Variants in ERI1 observed in about 807,000 individuals in gnomAD.
ERI1 encodes exoribonuclease 1.
A neutral mutation model predicts 39.7 loss-of-function variants in ERI1; 39 were observed. That is an observed-to-expected ratio of 0.98 (90% CI 0.76 to 1.28). ERI1 has a LOEUF of 1.28. Among genes scored for constraint, ERI1 ranks in the 50% most tolerant of loss-of-function variants. The probability of loss-of-function intolerance (pLI) is 0.00; values close to 1 mark genes in which losing one functional copy is unlikely to be tolerated. For missense variants in ERI1, 581 were observed against 416.9 expected, an observed-to-expected ratio of 1.39 and a Z score of -3.43; for synonymous variants, 204 against 149.6, an observed-to-expected ratio of 1.36 and a Z score of -2.65.
Position 9,032,669 on chromosome 8 carries a change from C to T in ERI1, c.*2635C>T, listed in dbSNP as rs1476734993. 1 of 152,042 alleles carries T rather than the reference C, an allele frequency of 6.6e-6. No homozygotes were observed. The highest frequency in any genetic ancestry group is 2.1e-4 in the South Asian group (1 of 4,824). 9.4% of individuals were successfully genotyped at this position (152,042 alleles called of 1,614,324 possible). Reference sequence around the variant, plus strand: ...ATGGTAATTTTTAAAAAGATGTGACCAGTTGACTTTTAGTATATCATCCCA... The same window carrying T: ...ATGGTAATTTTTAAAAAGATGTGACTAGTTGACTTTTAGTATATCATCCCA... On this transcript the variant is annotated 3_prime_UTR_variant, in exon 7 of 7. Coordinates refer to ENST00000250263, the MANE Select transcript of ERI1 (RefSeq NM_153332.4).
intron 3 of ERI1, among the ~76,000 whole-genome samples, chr8:9,045,413 A>G (rs1308767715): frequency 2.0e-5 from 3 of 151,944 alleles, no homozygotes; most frequent in African/African-American, 2.4e-5. Context: ...TCTAGCCTCC[A>G]CGAATAGATA....
intron 3 of ERI1, among the ~76,000 whole-genome samples, chr8:9,081,638 C>A (rs191181115): frequency 1.3e-5 from 2 of 151,988 alleles, no homozygotes; most frequent in African/African-American, 4.8e-5. Context: ...CTAAAGGGAA[C>A]ACTTAAAACA....
chr8:9,018,905 T>G (rs1008443685), intron 5 of ERI1, among the ~76,000 whole-genome samples: 1 of 152,232 alleles, frequency 6.6e-6, no homozygotes. Flanking sequence ...TGTTTTACCC[T>G]GACAACGCCA....
intron 3 of ERI1, among the ~76,000 whole-genome samples, chr8:9,085,086 G>C (rs988152193): frequency 6.6e-6 from 1 of 152,104 alleles, no homozygotes; most frequent in African/African-American, 2.4e-5. Flanking sequence ...AAATTTGGGG[G>C]TGGGGCCTAC....
intron 3 of ERI1, among the ~76,000 whole-genome samples, chr8:9,042,854 C>T (rs541754309): frequency 6.6e-6 from 1 of 152,304 alleles, no homozygotes; most frequent in East Asian, 1.9e-4. Context: ...CATTTCTGGT[C>T]CCTAGCATTT....
At position 9,013,248 on chromosome 8, in the gene ERI1, C is replaced by A. The variant is rs916985330; in HGVS notation, c.498+1496C>A. On this transcript the variant is annotated intron_variant, in intron 3 of 6. Coordinates refer to ENST00000250263, the MANE Select transcript of ERI1 (RefSeq NM_153332.4). ...CAGGCTGGTTTCAAACTCCTGAGCT[C>A]AGGCAATCCACCTGCCTCAGGTTCC... Among the ~76,000 whole-genome samples the A allele has an allele frequency of 4.6e-5, 7 of 150,692 alleles. No homozygotes were observed. In the East Asian group the frequency reaches 1.4e-3, roughly 29 times the overall value.
intron 6 of ERI1, among the ~76,000 whole-genome samples, chr8:9,027,162 T>G (rs1270459222): frequency 1.3e-5 from 2 of 151,862 alleles, no homozygotes; most frequent in Non-Finnish European, 2.9e-5. Context: ...TGTGTGTGTG[T>G]GTGTGTGTGT....
At position 9,030,936 on chromosome 8, in the gene ERI1, T is replaced by C. The variant is rs762824385; in HGVS notation, c.*902T>C. 17 of 152,208 alleles carry C rather than the reference T, an allele frequency of 1.1e-4. No individual in the cohort carries two copies. The highest frequency in any genetic ancestry group is 2.1e-4 in the Non-Finnish European group (14 of 68,020). The allele number at this position is 152,208 out of a possible 1,614,324, so 9.4% of individuals were successfully genotyped here. A position where few individuals can be genotyped will look rare whatever the true frequency, so the allele number is the denominator to read the frequency against. On this transcript the variant is annotated 3_prime_UTR_variant, in exon 7 of 7. Coordinates refer to ENST00000250263, the MANE Select transcript of ERI1 (RefSeq NM_153332.4). The stretch of plus-strand genomic sequence containing the variant: ...ACGTTTTTGTTATTAAAAAACTTCA[T>C]TGGCCACTAGTGAAGTTAGTCAATA...
At chr8:9,011,835 T>C in intron 3 of ERI1, 83 bp downstream of exon 3, 2 of 1,016,648 alleles carry the variant, frequency 2.0e-6, no homozygotes, top group Admixed American at 2.9e-5. Context: ...CCTCATTTGC[T>C]TTTTAGCCAG....
At chr8:9,017,810 T>C (rs1375654261) in intron 4 of ERI1, among the ~76,000 whole-genome samples, 2 of 152,202 alleles carry the variant, frequency 1.3e-5, no homozygotes, top group South Asian at 2.1e-4. Context: ...CTATTTGTCC[T>C]GAAAGCCTTG....
chr8:9,013,097 C>G (rs1805488465), intron 3 of ERI1, among the ~76,000 whole-genome samples: 1 of 152,032 alleles, frequency 6.6e-6, no homozygotes, highest in African/African-American at 2.4e-5. Flanking sequence ...TGACTGCAAC[C>G]TCCACCTCCT....
At position 9,030,557 on chromosome 8, in the gene ERI1, G is replaced by A. The variant is rs1174280495; in HGVS notation, c.*523G>A. The A allele has an allele frequency of 6.4e-6, 1 of 155,536 alleles. No homozygotes were observed. Among genetic ancestry groups the A allele is most frequent in the Non-Finnish European group, 1.4e-5 (1 of 69,778 alleles). The allele number at this position is 155,536 out of a possible 1,614,324, so 9.6% of individuals were successfully genotyped here. A position where few individuals can be genotyped will look rare whatever the true frequency, so the allele number is the denominator to read the frequency against. ...ATGTGGTGAATTTCGTAAGGTACTT[G>A]GTATACATATCTGCCTATGTTTCTT... On this transcript the variant is annotated 3_prime_UTR_variant, in exon 7 of 7. Coordinates refer to ENST00000250263, the MANE Select transcript of ERI1 (RefSeq NM_153332.4).
intron 3 of ERI1, among the ~76,000 whole-genome samples, chr8:9,083,291 C>T (rs1799422826): frequency 6.6e-6 from 1 of 152,148 alleles, no homozygotes; most frequent in South Asian, 2.1e-4. Context: ...AAAACAATGG[C>T]TGTGCTCTGA....
intron 3 of ERI1, chr8:9,062,768 C>G (rs1014819831): frequency 1.3e-5 from 2 of 151,252 alleles, no homozygotes; most frequent in Non-Finnish European, 2.9e-5. Context: ...TCCAGGGGCT[C>G]TGGGAGTGGC....
intron 3 of ERI1, among the ~76,000 whole-genome samples, chr8:9,012,824 CTT>C (rs1816805792): frequency 6.6e-6 from 1 of 152,164 alleles, no homozygotes; most frequent in Admixed American, 6.5e-5. Flanking sequence ...CTTTGTTCCT[CTT>C]TTTGGGAAAA....
At chr8:9,066,873 A>C (rs1305837649) in intron 3 of ERI1, among the ~76,000 whole-genome samples, 2 of 152,004 alleles carry the variant, frequency 1.3e-5, no homozygotes, top group African/African-American at 2.4e-5. Context: ...TGATGTTCTC[A>C]GTGGCCTCAG....
At chr8:9,040,207 G>A (rs1797971849) in intron 3 of ERI1, among the ~76,000 whole-genome samples, 2 of 152,116 alleles carry the variant, frequency 1.3e-5, no homozygotes, top group Non-Finnish European at 2.9e-5. Context: ...CTTGGAGAGG[G>A]AAGTGGCCAA....
At chr8:9,013,883 G>A (rs1280966133) in intron 3 of ERI1, among the ~76,000 whole-genome samples, 2 of 152,094 alleles carry the variant, frequency 1.3e-5, no homozygotes, top group Non-Finnish European at 2.9e-5. Context: ...CCAGAACCCA[G>A]TCACTTAACT....
At chr8:9,017,022 T>C (rs1017651763) in intron 4 of ERI1, among the ~76,000 whole-genome samples, 5 of 151,878 alleles carry the variant, frequency 3.3e-5, no homozygotes, top group Admixed American at 2.0e-4. Context: ...CAACCTGACT[T>C]TATATTTTGC....
Sources: allele counts gnomAD v4.1 joint callset (sites outside exome capture counted in the v4.1 genomes callset), GRCh38; gene constraint gnomAD v4.1.1; transcripts MANE v1.5; gene names NCBI Gene and HGNC (gene_info 2026-07-23, HGNC 2026-07-21).